SLC26A6: variants seen among roughly 807,000 people sequenced by gnomAD.
SLC26A6 encodes solute carrier family 26 member 6, also known as anion exchange transporter.
In SLC26A6, 67 loss-of-function variants were observed where a neutral mutation model predicts 87.1. The observed-to-expected ratio is 0.77, with a 90% confidence interval of 0.63 to 0.94. SLC26A6 has a LOEUF of 0.94. Among genes scored for constraint, SLC26A6 ranks in the 40% least tolerant of loss-of-function variants. The pLI, the probability that SLC26A6 is intolerant of heterozygous loss-of-function variation, is 0.00. For missense variants in SLC26A6, 902 were observed against 973.0 expected (o/e 0.93, Z 0.97); for synonymous variants, 414 against 405.9 (o/e 1.02, Z -0.24).
rs1396785733 is a variant in SLC26A6 at position 48,632,967 on chromosome 3, C to CACTT, written c.433+3_433+6dup. ...CCTCCTGGAAGGCTAGGCCTGCCTCCACTTACCCACGGAGATGTGCCGGGA... is the reference window on the plus strand; with the variant it reads ...CCTCCTGGAAGGCTAGGCCTGCCTCCACTTACTTACCCACGGAGATGTGCCGGGA... On this transcript the variant is annotated splice_region_variant and intron_variant, in intron 4 of 20. Coordinates refer to ENST00000395550, the MANE Select transcript of SLC26A6 (RefSeq NM_022911.3). 10 of 1,612,064 alleles carry CACTT rather than the reference C, an allele frequency of 6.2e-6. No homozygotes were observed. The highest frequency in any genetic ancestry group is 6.8e-6 in the Non-Finnish European group (8 of 1,179,210).
In SLC26A6 at chr3:48,625,907, G is replaced by C; in HGVS notation, c.*79C>G. On this transcript the variant is annotated 3_prime_UTR_variant, in exon 21 of 21. Coordinates refer to ENST00000395550, the MANE Select transcript of SLC26A6 (RefSeq NM_022911.3). This position sits in a 1 kb window ranked among gnomAD's most constrained non-coding sequence, Gnocchi z 4.7. ...GGAGGGGACTCCTGGGTAGCACCTG[G>C]AGGCGGCCTAGGGGTGAGGGGCTTC... is the stretch of plus-strand genomic sequence containing the variant. 2 of 1,594,712 alleles carry C rather than the reference G, an allele frequency of 1.3e-6. No individual in the cohort carries two copies. The highest frequency in any genetic ancestry group is 1.7e-6 in the Non-Finnish European group (2 of 1,166,196).
chr3:48,626,880 T>C lies in SLC26A6; in HGVS notation c.2069A>G (p.Lys690Arg), dbSNP rs756706374. ...FVDTVCLKSL[K>R]NIFHDFREIE... Reference sequence around the variant, plus strand: ...TTGGCCTGCCCCCGTCCTTACATTCTTCAGGCTCTTGAGGCACACAGTGTC... The same window carrying C: ...TTGGCCTGCCCCCGTCCTTACATTCCTCAGGCTCTTGAGGCACACAGTGTC... Residue 690 changes from lysine to arginine, a missense_variant, in exon 18 of 21, where the codon AAG (lysine) becomes AGG (arginine). Around this residue, in one of 3 missense-constraint regions of SLC26A6, gnomAD observed 99 missense variants for 100.1 expected, o/e 0.99. Coordinates refer to ENST00000395550, the MANE Select transcript of SLC26A6 (RefSeq NM_022911.3). 4 of 1,613,196 alleles carry C rather than the reference T, an allele frequency of 2.5e-6. No homozygotes were observed. Among genetic ancestry groups the C allele is most frequent in the South Asian group, 2.2e-5 (2 of 91,004 alleles).
At position 48,626,877 on chromosome 3, in the gene SLC26A6, T is replaced by A; in HGVS notation, c.2072A>T (p.Asn691Ile). The change falls in exon 18 of 21, where the codon AAT (asparagine) becomes ATT (isoleucine). Residue 691 changes from asparagine (N) to isoleucine (I), a missense_variant and splice_region_variant. Asn to Ile is a moderately radical substitution (Grantham distance 149). This residue lies in a region of SLC26A6 where 99 missense variants were observed against 100.1 expected (regional missense o/e 0.99). Coordinates refer to ENST00000395550, the MANE Select transcript of SLC26A6 (RefSeq NM_022911.3). ...VDTVCLKSLK[N>I]IFHDFREIEV... is the part of the protein sequence containing the mutation. ...GCCTTGGCCTGCCCCCGTCCTTACA[T>A]TCTTCAGGCTCTTGAGGCACACAGT... 6.2e-7 allele frequency: 1 copy of A among 1,612,814 alleles called. No individual in the cohort carries two copies. The highest frequency in any genetic ancestry group is 8.5e-7 in the Non-Finnish European group (1 of 1,179,394).
Position 48,625,768 on chromosome 3 carries a change from TC to T in SLC26A6, c.*217del. The T allele has an allele frequency of 3.2e-6, 2 of 621,900 alleles. No individual in the cohort carries two copies. The allele number at this position is 621,900 out of a possible 1,614,324, so 38.5% of individuals were successfully genotyped here. On this transcript the variant is annotated 3_prime_UTR_variant, in exon 21 of 21. Coordinates refer to ENST00000395550, the MANE Select transcript of SLC26A6 (RefSeq NM_022911.3). The surrounding 1 kb of genome is among the most constrained non-coding windows in gnomAD (Gnocchi z 4.7). ...TCCTGAGGCTAAAATATGCACCAGTTCCCTCCCTGTACCGCGCCACTGCCAG... is the reference window on the plus strand; with the variant it reads ...TCCTGAGGCTAAAATATGCACCAGTTCCTCCCTGTACCGCGCCACTGCCAG...
Position 48,628,424 on chromosome 3 carries a change from G to A in SLC26A6, c.1800+10C>T. 1 of 1,613,792 alleles carries A rather than the reference G, an allele frequency of 6.2e-7. No individual in the cohort carries two copies. The highest frequency in any genetic ancestry group is 1.1e-5 in the South Asian group (1 of 91,062). ...AGGAGATGGGGGTCACCAGACAAAA[G>A]GGGCCCTGCCTGTTTCCGAAGCTTC... On this transcript the variant is annotated intron_variant, in intron 16 of 20. Coordinates refer to ENST00000395550, the MANE Select transcript of SLC26A6 (RefSeq NM_022911.3). The surrounding 1 kb of genome is among the most constrained non-coding windows in gnomAD (Gnocchi z 4.4).
chr3:48,630,029 C>A (rs747684062), intron 12 of SLC26A6, 33 bp downstream of exon 12: 2 of 1,613,790 alleles, frequency 1.2e-6, no homozygotes, highest in Admixed American at 1.7e-5. Context: ...ATGGGGCTGC[C>A]CAGTCCCTGC....
rs756934201 is a variant in SLC26A6, at chr3:48,626,693, G to A, written c.2074-8C>T. On this transcript the variant is annotated splice_polypyrimidine_tract_variant and splice_region_variant and intron_variant, in intron 18 of 20. Transcript: ENST00000395550. The stretch of plus-strand genomic sequence containing the variant: ...CCGGAAGTCATGGAAAATCTGTAGC[G>A]GAAAAGGGGGCCAGCCTCAGAGGGA... 20 of 1,613,944 alleles carry A rather than the reference G, an allele frequency of 1.2e-5. No individual in the cohort carries two copies. The highest frequency in any genetic ancestry group is 2.2e-5 in the East Asian group (1 of 44,892).
chr3:48,628,473 C>T lies in SLC26A6; in HGVS notation c.1761G>A (p.Lys587=), dbSNP rs902506571. The change falls in exon 16 of 21, where the codon AAG becomes AAA. Residue 587 remains lysine, a synonymous_variant. Transcript: ENST00000395550. This position sits in a 1 kb window ranked among gnomAD's most constrained non-coding sequence, Gnocchi z 4.4. ...TCTCCTCTTTCTGCAGTTGCTTCAGCTTCAGCTGCTCCTGCTTCTTGAGCA... is the reference window on the plus strand; with the variant it reads ...TCTCCTCTTTCTGCAGTTGCTTCAGTTTCAGCTGCTCCTGCTTCTTGAGCA... The part of the protein sequence containing the change: ...KKLLKKQEQL[K]LKQLQKEEKL... 5 of 1,614,108 alleles carry T rather than the reference C, an allele frequency of 3.1e-6. No individual in the cohort carries two copies. Among genetic ancestry groups the T allele is most frequent in the Non-Finnish European group, 2.5e-6 (3 of 1,179,992 alleles).
Position 48,629,987 on chromosome 3 carries a change from A to G in SLC26A6, c.1423-9T>C. 1 of 1,614,100 alleles carries G rather than the reference A, an allele frequency of 6.2e-7. No homozygotes were observed. Among genetic ancestry groups the G allele is most frequent in the South Asian group, 1.1e-5 (1 of 91,084 alleles). ...GTCACCAGCCAGATAAGCTGAGAAC[A>G]GAGGGCAGCGGTTGGAGGGCGGCGA... On this transcript the variant is annotated splice_polypyrimidine_tract_variant and intron_variant, in intron 12 of 20. Coordinates refer to ENST00000395550, the MANE Select transcript of SLC26A6 (RefSeq NM_022911.3).
chr3:48,628,486 T>A lies in SLC26A6; in HGVS notation c.1748A>T (p.Gln583Leu). 6.2e-7 allele frequency: 1 copy of A among 1,614,130 alleles called. No individual in the cohort carries two copies. The highest frequency in any genetic ancestry group is 8.5e-7 in the Non-Finnish European group (1 of 1,179,992). ...ISQKKKLLKK[Q>L]EQLKLKQLQK... is the part of the protein sequence containing the mutation. ...CAGTTGCTTCAGCTTCAGCTGCTCC[T>A]GCTTCTTGAGCAGTTTCTTCTTCTG... The change falls in exon 16 of 21, where the codon CAG becomes CTG. Residue 583 changes from glutamine to leucine, a missense_variant. Gln to Leu is a moderately radical substitution (Grantham distance 113, BLOSUM62 -2). Transcript: ENST00000395550. This position sits in a 1 kb window ranked among gnomAD's most constrained non-coding sequence, Gnocchi z 4.4.
At chr3:48,626,559 C>G in intron 19 of SLC26A6, 72 bp downstream of exon 19, 1 of 1,605,428 alleles carries the variant, frequency 6.2e-7, no homozygotes, top group Non-Finnish European at 8.5e-7. Context: ...CCTTGTGCTA[C>G]TTGGAAAACC....
intron 14 of SLC26A6, among the ~76,000 whole-genome samples, chr3:48,629,364 GCTCT>G (rs970310077): frequency 6.6e-6 from 1 of 152,114 alleles, no homozygotes; most frequent in African/African-American, 2.4e-5. Flanking sequence ...TGCCATTCCG[GCTCT>G]CTGACCCACG....
At position 48,632,293 on chromosome 3, in the gene SLC26A6, G is replaced by C. The variant is rs771778376; in HGVS notation, c.537C>G (p.Ala179=). The change falls in exon 5 of 21, where the codon GCC becomes GCG. Residue 179 remains alanine, a synonymous_variant. Transcript: ENST00000395550. ...TGAGTGTGGAGGCCACCTGTACCCG[G>C]GCAGCATCTCTGGCTGTCTCATTGA... ...SMINETARDA[A]RVQVASTLSV... 1.2e-6 allele frequency: 2 copies of C among 1,612,842 alleles called. No individual in the cohort carries two copies. The highest frequency in any genetic ancestry group is 3.3e-5 in the Admixed American group (2 of 59,900).
At chr3:48,629,416 G>A (rs553536342) in intron 14 of SLC26A6, among the ~76,000 whole-genome samples, 1 of 152,162 alleles carries the variant, frequency 6.6e-6, no homozygotes, top group African/African-American at 2.4e-5. Flanking sequence ...TTGACTCCAC[G>A]ACAGACCCCT....
At chr3:48,635,340 C>T in intron 1 of SLC26A6, 31 bp downstream of exon 1, 2 of 1,580,436 alleles carry the variant, frequency 1.3e-6, no homozygotes, top group Non-Finnish European at 1.7e-6. Context: ...GGCGCTCGCG[C>T]GGGGCCACCG....
intron 4 of SLC26A6, chr3:48,632,770 C>T (rs921774841): frequency 1.5e-6 from 1 of 680,646 alleles, no homozygotes; most frequent in Non-Finnish European, 2.6e-6. Context: ...CTTCCTGGAG[C>T]CAGGGCTTTG....
intron 5 of SLC26A6, 49 bp from the exon 6 acceptor site, chr3:48,632,093 C>T (rs764476517): frequency 6.2e-7 from 1 of 1,607,322 alleles, no homozygotes; most frequent in South Asian, 1.1e-5. Flanking sequence ...CCTGGGGTTG[C>T]TAATGAGGAG....
Position 48,628,246 on chromosome 3 carries a change from T to C in SLC26A6, c.1800+188A>G. 1 of 791,794 alleles carries C rather than the reference T, an allele frequency of 1.3e-6. No individual in the cohort carries two copies. The highest frequency in any genetic ancestry group is 1.8e-5 in the South Asian group (1 of 56,430). 49.0% of individuals were successfully genotyped at this position (791,794 alleles called of 1,614,324 possible). ...CGGTTCTCACTGTCACTGGTTCAGA[T>C]GATGGGAGAGAAAATGCTGCCTAGA... On this transcript the variant is annotated intron_variant, in intron 16 of 20. Coordinates refer to ENST00000395550, the MANE Select transcript of SLC26A6 (RefSeq NM_022911.3). This position sits in a 1 kb window ranked among gnomAD's most constrained non-coding sequence, Gnocchi z 4.4.
intron 19 of SLC26A6, 57 bp downstream of exon 19, chr3:48,626,574 G>A (rs974174741): frequency 1.2e-6 from 2 of 1,610,128 alleles, no homozygotes; most frequent in Non-Finnish European, 1.7e-6. Context: ...AAAACCCCTT[G>A]GCCAAAAGTA....
Sources: gnomAD v4.1 joint callset for allele counts (sites outside exome capture counted in the v4.1 genomes callset) on GRCh38, gnomAD v4.1.1 for gene constraint, gnomAD v4.1.1 regional missense constraint, Gnocchi (gnomAD v3.1) non-coding constraint, MANE v1.5 for transcripts, NCBI Gene and HGNC (gene_info 2026-07-23, HGNC 2026-07-21) for gene names.